The following KHDRBS1 variants were observed in gnomAD, a reference collection of about 807,000 sequenced individuals.
KHDRBS1 encodes the protein KH domain-containing, RNA-binding, signal transduction-associated protein 1.
In KHDRBS1, 7 loss-of-function variants were observed where a neutral mutation model predicts 48.4. The ratio of observed to expected loss-of-function variants is 0.14; its 90% CI spans 0.08 to 0.27. KHDRBS1 has a LOEUF of 0.27. Ranked by LOEUF, KHDRBS1 falls within the 10% of genes least tolerant of loss-of-function variation. The probability of loss-of-function intolerance (pLI) is 1.00; values close to 1 mark genes in which losing one functional copy is unlikely to be tolerated. For missense variants in KHDRBS1, 458 were observed against 601.2 expected (o/e 0.76, Z 2.49); for synonymous variants, 241 against 235.8 (o/e 1.02, Z -0.20).
At chr1:32,044,979 G>A (rs1317846394), downstream of KHDRBS1, among the ~76,000 whole-genome samples, 4 of 152,132 alleles carry the variant, frequency 2.6e-5, no homozygotes, top group African/African-American at 7.2e-5. Context: ...ATATGTTGCC[G>A]CATAAATTAG....
At chr1:32,056,019 C>T (rs896265118) in intron 10 of KHDRBS1, among the ~76,000 whole-genome samples, 1 of 152,076 alleles carries the variant, frequency 6.6e-6, no homozygotes, top group African/African-American at 2.4e-5. Context: ...CAGCTCTCTT[C>T]TAAAAGGAGA....
At position 32,019,796 on chromosome 1, in the gene KHDRBS1, G is replaced by T. The variant is rs1638821491; in HGVS notation, c.382+5419G>T. On this transcript the variant is annotated intron_variant, in intron 1 of 8. Coordinates refer to ENST00000327300, the MANE Select transcript of KHDRBS1 (RefSeq NM_006559.3). ...TTGTTTGTTTGTTTGTTTTGAGATT[G>T]AGTCTCGCTCTGTCGCTCACGCTGG... Among the ~76,000 whole-genome samples, 4 of 152,164 alleles carry T rather than the reference G, an allele frequency of 2.6e-5. No individual in the cohort carries two copies. In the South Asian group the frequency reaches 6.2e-4, roughly 24 times the overall value.
chr1:32,037,590 G>T (rs1312577794), intron 5 of KHDRBS1, among the ~76,000 whole-genome samples: 1 of 152,154 alleles, frequency 6.6e-6, no homozygotes, highest in African/African-American at 2.4e-5. Flanking sequence ...TTTTGTGACT[G>T]ACCTTTATAG....
Position 32,042,737 on chromosome 1 carries a change from T to G in KHDRBS1, c.*113T>G. On this transcript the variant is annotated 3_prime_UTR_variant, in exon 9 of 9. Transcript: ENST00000327300. ...ACAGACAAGTAATTGTCTAAGTGTT[T>G]TTCTTCGTGGTCCCCTTCTTCTCCC... 1 of 670,058 alleles carries G rather than the reference T, an allele frequency of 1.5e-6. No homozygotes were observed. The highest frequency in any genetic ancestry group is 2.6e-6 in the Non-Finnish European group (1 of 377,846). 41.5% of individuals were successfully genotyped at this position (670,058 alleles called of 1,614,324 possible).
At chr1:32,021,325 A>G (rs760097095) in intron 1 of KHDRBS1, among the ~76,000 whole-genome samples, 5 of 152,058 alleles carry the variant, frequency 3.3e-5, no homozygotes, top group African/African-American at 4.8e-5. Context: ...TATTGTATAT[A>G]ATATATTATG....
chr1:32,022,898 A>T (rs1458641040), intron 1 of KHDRBS1, among the ~76,000 whole-genome samples: 4 of 151,136 alleles, frequency 2.6e-5, no homozygotes. Flanking sequence ...TCAAAAAAAA[A>T]AAAAGTTCAG....
At chr1:32,041,837 C>T (rs1032102988) in intron 8 of KHDRBS1, among the ~76,000 whole-genome samples, 5 of 152,152 alleles carry the variant, frequency 3.3e-5, no homozygotes, top group African/African-American at 4.8e-5. Context: ...ATCTGCCTGC[C>T]TTGGCCTCCC....
intron 1 of KHDRBS1, among the ~76,000 whole-genome samples, chr1:32,028,905 T>C (rs558636949): frequency 7.9e-5 from 12 of 152,104 alleles, no homozygotes; most frequent in South Asian, 2.1e-4. Flanking sequence ...ACTCCTGTTA[T>C]AGTACTTTAC....
At chr1:32,048,459 A>G (rs191975974), downstream of KHDRBS1, among the ~76,000 whole-genome samples, 186 of 152,304 alleles carry the variant, frequency 1.2e-3, no homozygotes, top group Non-Finnish European at 1.3e-3. Flanking sequence ...ACAGTATGCT[A>G]TGATCACAAC....
At chr1:32,057,756 G>A (rs1342246483) in intron 10 of KHDRBS1, among the ~76,000 whole-genome samples, 29 of 147,626 alleles carry the variant, frequency 2.0e-4, no homozygotes, top group African/African-American at 7.3e-4. Context: ...CTGAGATCGC[G>A]CCACTGCACT....
In KHDRBS1 at chr1:32,043,524, G is replaced by T. The variant is rs1235189517; in HGVS notation, c.*900G>T. ...AATTTTCAGTATTTAAAAAGACAAA[G>T]TATTTTGTCCATTTGAGATTCTGCA... On this transcript the variant is annotated 3_prime_UTR_variant, in exon 9 of 9. Transcript: ENST00000327300. 6.6e-6 allele frequency: 1 copy of T among 152,574 alleles called. No homozygotes were observed. The highest frequency in any genetic ancestry group is 1.5e-5 in the Non-Finnish European group (1 of 68,004). The allele number at this position is 152,574 out of a possible 1,614,324, so 9.5% of individuals were successfully genotyped here.
intron 1 of KHDRBS1, among the ~76,000 whole-genome samples, chr1:32,029,383 C>T (rs779851652): frequency 1.2e-4 from 19 of 152,130 alleles, no homozygotes; most frequent in Non-Finnish European, 2.5e-4. Context: ...GGTGGCTGGG[C>T]GCGGTGGCTC....
intron 10 of KHDRBS1, among the ~76,000 whole-genome samples, chr1:32,059,930 T>A (rs751889554): frequency 1.3e-5 from 2 of 152,276 alleles, no homozygotes; most frequent in South Asian, 4.1e-4. Flanking sequence ...ACAGGAGATA[T>A]TGAGCGTGAG....
chr1:32,033,375 A>C lies in KHDRBS1; in HGVS notation c.771+41A>C, dbSNP rs369167287. 4 of 1,609,042 alleles carry C rather than the reference A, an allele frequency of 2.5e-6. No individual in the cohort carries two copies. The African/African-American group carries it at 5.4e-5, about 22-fold the overall frequency. On this transcript the variant is annotated intron_variant, in intron 4 of 8. Transcript: ENST00000327300. Reference sequence around the variant, plus strand: ...TCCTGTGTCTTCTGAGCAAAAGAGAACTGGGATCTTATACTGTTGTGAAGG... The same window carrying C: ...TCCTGTGTCTTCTGAGCAAAAGAGACCTGGGATCTTATACTGTTGTGAAGG...
chr1:32,024,631 G>A lies in KHDRBS1; in HGVS notation c.383-5667G>A, dbSNP rs187714746. Among the ~76,000 whole-genome samples, 329 of 152,088 alleles carry A rather than the reference G, an allele frequency of 2.2e-3. 3 individuals are homozygous for A. The highest frequency in any genetic ancestry group is 1.5e-3 in the East Asian group (8 of 5,168). On this transcript the variant is annotated intron_variant, in intron 1 of 8. Transcript: ENST00000327300. ...TGTGAGCCCCTGTGCCCAGCCAGGC[G>A]TGGGTTTTTAATTCTTGTTCTGTTA...
downstream of KHDRBS1, among the ~76,000 whole-genome samples, chr1:32,045,094 A>G (rs1639341713): frequency 6.6e-6 from 1 of 152,186 alleles, no homozygotes; most frequent in Non-Finnish European, 1.5e-5. Context: ...ATGACTGTAG[A>G]TTAGACCTCC....
rs551541486 is a variant in KHDRBS1, at chr1:32,051,356, A to G, written n.1301+5966A>G. Among the ~76,000 whole-genome samples the G allele has an allele frequency of 5.9e-5, 9 of 152,364 alleles. No homozygotes were observed. In the East Asian group the frequency reaches 1.7e-3, roughly 29 times the overall value. Reference sequence around the variant, plus strand: ...CCTTTTGAAGTAGTTATTACTTAAAAGTTATTGATACAATTTCTGGCAGTA... The same window carrying G: ...CCTTTTGAAGTAGTTATTACTTAAAGGTTATTGATACAATTTCTGGCAGTA... On this transcript the variant is annotated intron_variant and non_coding_transcript_variant, in intron 10 of 10. Transcript: ENST00000484270.
At chr1:32,029,924 C>T (rs1639049186) in intron 1 of KHDRBS1, among the ~76,000 whole-genome samples, 1 of 152,028 alleles carries the variant, frequency 6.6e-6, no homozygotes, top group South Asian at 2.1e-4. Context: ...AGATTATTTA[C>T]TTTTGTTTTT....
chr1:32,058,637 C>A (rs1639509083), intron 10 of KHDRBS1, among the ~76,000 whole-genome samples: 2 of 152,020 alleles, frequency 1.3e-5, no homozygotes, highest in Non-Finnish European at 2.9e-5. Flanking sequence ...CTAGTCTAGG[C>A]AAGAAATAAG....
Sources: gnomAD v4.1 joint callset for allele counts (sites outside exome capture counted in the v4.1 genomes callset) on GRCh38, gnomAD v4.1.1 for gene constraint, MANE v1.5 for transcripts, NCBI Gene and HGNC (gene_info 2026-07-23, HGNC 2026-07-21) for gene names.